RPS6KC1: variants seen among roughly 807,000 people sequenced by gnomAD.
RPS6KC1 encodes inactive ribosomal protein S6 kinase delta-1.
RPS6KC1 carries 54 observed loss-of-function variants against 103.8 expected under a neutral mutation model. The ratio of observed to expected loss-of-function variants is 0.52; its 90% CI spans 0.42 to 0.65. RPS6KC1 has a LOEUF of 0.65. Ranked by LOEUF, RPS6KC1 falls within the 30% of genes least tolerant of loss-of-function variation. The pLI is 0.00. For missense variants in RPS6KC1, 1,151 were observed against 1,253.8 expected, an observed-to-expected ratio of 0.92 and a Z score of 1.24; for synonymous variants, 439 against 438.7, an observed-to-expected ratio of 1.00 and a Z score of -0.01.
At chr1:213,583,656 T>G in the RPS6KC1 span, among the ~76,000 whole-genome samples, 4 of 150,962 alleles carry the variant, frequency 2.6e-5, no homozygotes, top group African/African-American at 9.7e-5. Flanking sequence ...CCCTGTCTAT[T>G]TGAAAAATAC....
the RPS6KC1 span, chr1:213,492,555 T>G: frequency 6.6e-6 from 1 of 152,210 alleles, no homozygotes; most frequent in Admixed American, 6.5e-5. Flanking sequence ...CTCCACCTCC[T>G]TTTCCCTTTC....
chr1:213,105,208 C>G (rs907900610), intron 4 of RPS6KC1, among the ~76,000 whole-genome samples: 6 of 141,568 alleles, frequency 4.2e-5, no homozygotes, highest in African/African-American at 1.4e-4. Context: ...GTAATGCTTT[C>G]ATTTTAAGTT....
intron 5 of RPS6KC1, among the ~76,000 whole-genome samples, chr1:213,120,986 C>T (rs540295683): frequency 6.6e-6 from 1 of 152,204 alleles, no homozygotes; most frequent in East Asian, 1.9e-4. Context: ...AGGGTCTCAC[C>T]GTGTTACCCA....
chr1:213,688,028 GT>G, the RPS6KC1 span, among the ~76,000 whole-genome samples: 1 of 152,204 alleles, frequency 6.6e-6, no homozygotes, highest in Non-Finnish European at 1.5e-5. Flanking sequence ...ATTACTCTCA[GT>G]TGGTGTGGGG....
At chr1:213,583,116 A>G in the RPS6KC1 span, among the ~76,000 whole-genome samples, 2 of 152,236 alleles carry the variant, frequency 1.3e-5, no homozygotes, top group Non-Finnish European at 1.5e-5. Context: ...ATTGCTGAGT[A>G]GTATTCCGAT....
At chr1:213,444,030 A>C in the RPS6KC1 span, among the ~76,000 whole-genome samples, 4 of 152,326 alleles carry the variant, frequency 2.6e-5, no homozygotes, top group Non-Finnish European at 5.9e-5. Flanking sequence ...GTCCAAGATC[A>C]AGGAGCCAGC....
chr1:213,260,718 A>C (rs934584965), intron 12 of RPS6KC1, among the ~76,000 whole-genome samples: 1 of 147,992 alleles, frequency 6.8e-6, no homozygotes, highest in African/African-American at 2.5e-5. Context: ...ATTTAATGCC[A>C]TTAGGAAAGC....
the RPS6KC1 span, among the ~76,000 whole-genome samples, chr1:213,633,207 G>A: frequency 0.14 from 21,287 of 152,012 alleles, 2,322 homozygotes; most frequent in African/African-American, 0.31. Context: ...ACACCACAAA[G>A]ATACTCCTTG....
At chr1:213,731,177 T>A in the RPS6KC1 span, among the ~76,000 whole-genome samples, 5 of 152,328 alleles carry the variant, frequency 3.3e-5, no homozygotes, top group East Asian at 9.6e-4. Context: ...TGAAGTCAGG[T>A]AGCATGATGC....
chr1:213,780,649 T>G, the RPS6KC1 span, among the ~76,000 whole-genome samples: 3 of 152,100 alleles, frequency 2.0e-5, no homozygotes, highest in Non-Finnish European at 4.4e-5. Flanking sequence ...TGAAAAACCA[T>G]GAGCTGGAAA....
the RPS6KC1 span, among the ~76,000 whole-genome samples, chr1:213,787,305 A>C: frequency 1.1e-3 from 167 of 152,308 alleles, 1 homozygote; most frequent in African/African-American, 3.8e-3. Flanking sequence ...TACTAAAAAA[A>C]AATAAGAAAA....
At position 213,188,248 on chromosome 1, in the gene RPS6KC1, T is replaced by C. The variant is rs996595128; in HGVS notation, c.1044+11756T>C. On this transcript the variant is annotated intron_variant, in intron 8 of 14. Transcript: ENST00000366960. ...TCTCCTGCTTGGGAACCCAAGATGT[T>C]GGGGAACCTGGATGACCCCCTCAGT... Among the ~76,000 whole-genome samples, 4 of 151,950 alleles carry C rather than the reference T, an allele frequency of 2.6e-5. No individual in the cohort carries two copies. In the East Asian group the frequency reaches 7.7e-4, roughly 29 times the overall value.
chr1:213,612,196 A>G, the RPS6KC1 span, among the ~76,000 whole-genome samples: 1 of 152,196 alleles, frequency 6.6e-6, no homozygotes, highest in Non-Finnish European at 1.5e-5. Context: ...GAGCCCAGCA[A>G]TGTGTGTTTA....
chr1:213,748,235 AC>A, the RPS6KC1 span, among the ~76,000 whole-genome samples: 1 of 152,000 alleles, frequency 6.6e-6, no homozygotes, highest in African/African-American at 2.4e-5. Flanking sequence ...TCTCACCTTT[AC>A]CTGAGAGGGG....
chr1:213,133,718 C>T (rs1399465425), intron 6 of RPS6KC1, among the ~76,000 whole-genome samples: 1 of 152,054 alleles, frequency 6.6e-6, no homozygotes, highest in East Asian at 1.9e-4. Context: ...TATTGTGATC[C>T]CTGTTTTATA....
chr1:213,152,678 T>G (rs1355154374), intron 6 of RPS6KC1, among the ~76,000 whole-genome samples: 2 of 138,154 alleles, frequency 1.4e-5, no homozygotes, highest in Non-Finnish European at 1.6e-5. Context: ...TTCCTAGATG[T>G]GATGGCGGCC....
intron 3 of RPS6KC1, 46 bp from the exon 4 acceptor site, chr1:213,104,408 T>C (rs766626861): frequency 2.4e-6 from 3 of 1,227,106 alleles, no homozygotes; most frequent in Non-Finnish European, 3.6e-6. Flanking sequence ...CATAAACCAG[T>C]GTTTGATCAT....
At chr1:213,531,479 T>C in the RPS6KC1 span, among the ~76,000 whole-genome samples, 2 of 152,198 alleles carry the variant, frequency 1.3e-5, no homozygotes, top group Non-Finnish European at 2.9e-5. Context: ...CCCCCATTTT[T>C]AGAGATGAGG....
At chr1:213,253,330 C>T (rs2094578025) in intron 12 of RPS6KC1, among the ~76,000 whole-genome samples, 1 of 152,106 alleles carries the variant, frequency 6.6e-6, no homozygotes, top group Admixed American at 6.6e-5. Context: ...ATGGCCTCAC[C>T]AGTCTGACGG....
Sources: gnomAD v4.1 joint callset for allele counts (sites outside exome capture counted in the v4.1 genomes callset) on GRCh38, gnomAD v4.1.1 for gene constraint, MANE v1.5 for transcripts, NCBI Gene and HGNC (gene_info 2026-07-23, HGNC 2026-07-21) for gene names.